Variants in PRKCH observed in about 807,000 individuals in gnomAD.
The protein encoded by PRKCH is protein kinase C eta.
In PRKCH, 28 loss-of-function variants were observed where a neutral mutation model predicts 82.5. That is an observed-to-expected ratio of 0.34 (90% CI 0.25 to 0.47). The LOEUF (loss-of-function observed/expected upper bound fraction) is 0.47, where lower values mean the gene tolerates loss of function less well. PRKCH is among the 20% of genes least tolerant of loss of function. PRKCH has a pLI of 1.00. For synonymous variants in PRKCH, 322 were observed against 327.4 expected (o/e 0.98, Z 0.18); for missense variants, 705 against 881.8 (o/e 0.80, Z 2.54).
Position 61,360,718 on chromosome 14 carries a change from C to T in PRKCH, c.364-30507C>T, listed in dbSNP as rs74644764. On this transcript the variant is annotated intron_variant, in intron 1 of 13. Transcript: ENST00000332981. ...TTCTTTATTTTCCTCCCCAGTTACCCAACCCACTTGGCTTCCAGGAGCCTG... is the reference window on the plus strand; with the variant it reads ...TTCTTTATTTTCCTCCCCAGTTACCTAACCCACTTGGCTTCCAGGAGCCTG... 3.1e-3 allele frequency among the ~76,000 whole-genome samples: 473 copies of T among 152,284 alleles called. 5 individuals are homozygous for T. Among genetic ancestry groups the T allele is most frequent in the African/African-American group, 0.011 (450 of 41,542 alleles).
intron 1 of PRKCH, among the ~76,000 whole-genome samples, chr14:61,221,029 T>C (rs949744618): frequency 1.3e-5 from 2 of 152,202 alleles, no homozygotes; most frequent in Non-Finnish European, 1.5e-5. Flanking sequence ...AAAAATTACA[T>C]GCTGTGGTGG....
intron 9 of PRKCH, among the ~76,000 whole-genome samples, chr14:61,468,217 A>G (rs989220495): frequency 4.7e-4 from 72 of 152,144 alleles, no homozygotes; most frequent in Admixed American, 3.2e-3. Context: ...TACAAATACA[A>G]TCTGGTTTGC....
intron 1 of PRKCH, among the ~76,000 whole-genome samples, chr14:61,262,394 T>C (rs1046180236): frequency 1.3e-5 from 2 of 151,886 alleles, no homozygotes; most frequent in African/African-American, 4.8e-5. Context: ...TGATAGAGAA[T>C]CTCAAAAGCA....
chr14:61,363,986 G>GTC (rs2046264898), intron 1 of PRKCH, among the ~76,000 whole-genome samples: 1 of 144,858 alleles, frequency 6.9e-6, no homozygotes, highest in Non-Finnish European at 1.5e-5. Context: ...GTGTGTATAT[G>GTC]TGTGTGTGTA....
chr14:61,517,217 C>A (rs1328203956), intron 10 of PRKCH, among the ~76,000 whole-genome samples: 2 of 151,944 alleles, frequency 1.3e-5, no homozygotes, highest in Admixed American at 6.5e-5. Context: ...TCTTTCCTGT[C>A]GTAAAGCATT....
intron 2 of PRKCH, among the ~76,000 whole-genome samples, chr14:61,436,487 G>A (rs1883685681): frequency 6.6e-6 from 1 of 152,172 alleles, no homozygotes; most frequent in African/African-American, 2.4e-5. Context: ...AAACACAGAG[G>A]ATTCTGTACT....
intron 1 of PRKCH, among the ~76,000 whole-genome samples, chr14:61,360,173 G>A (rs2046204300): frequency 6.6e-6 from 1 of 152,218 alleles, no homozygotes; most frequent in Non-Finnish European, 1.5e-5. Flanking sequence ...TATGTCGTGA[G>A]TAAATGGAAT....
At chr14:61,542,706 C>A (rs184818315) in intron 12 of PRKCH, among the ~76,000 whole-genome samples, 1 of 152,186 alleles carries the variant, frequency 6.6e-6, no homozygotes, top group African/African-American at 2.4e-5. Flanking sequence ...AGCTTTCTAT[C>A]TGTGCCCCTG....
chr14:61,360,849 C>T (rs2140160578), intron 1 of PRKCH, among the ~76,000 whole-genome samples: 1 of 152,288 alleles, frequency 6.6e-6, no homozygotes, highest in South Asian at 2.1e-4. Flanking sequence ...TCATCATGGA[C>T]CAGCTGCTTT....
At chr14:61,199,967 A>T (rs2044467838) in intron 1 of PRKCH, among the ~76,000 whole-genome samples, 1 of 152,218 alleles carries the variant, frequency 6.6e-6, no homozygotes, top group Non-Finnish European at 1.5e-5. Context: ...TTATCAAGGA[A>T]CAGAAATATT....
chr14:61,516,682 T>G (rs1474574472), intron 10 of PRKCH, among the ~76,000 whole-genome samples: 1 of 152,168 alleles, frequency 6.6e-6, no homozygotes, highest in Non-Finnish European at 1.5e-5. Context: ...ATGTGATGTC[T>G]TTTGCACATG....
chr14:61,275,661 G>A (rs2045195472), intron 1 of PRKCH, among the ~76,000 whole-genome samples: 2 of 152,168 alleles, frequency 1.3e-5, no homozygotes, highest in Non-Finnish European at 2.9e-5. Context: ...ATGAGTCCTG[G>A]TGGTGAGCCA....
At chr14:61,492,272 C>G (rs771325507) in intron 10 of PRKCH, 1 of 152,140 alleles carries the variant, frequency 6.6e-6, no homozygotes. Context: ...TAGGTAAGGC[C>G]GGTCATGTTG....
chr14:61,542,659 C>T (rs2043203324), intron 12 of PRKCH, among the ~76,000 whole-genome samples: 1 of 152,206 alleles, frequency 6.6e-6, no homozygotes, highest in South Asian at 2.1e-4. Flanking sequence ...AGATGAGCCT[C>T]AGGGTCAAGG....
intron 1 of PRKCH, among the ~76,000 whole-genome samples, chr14:61,313,274 T>C (rs773632574): frequency 1.1e-4 from 17 of 152,370 alleles, no homozygotes; most frequent in Non-Finnish European, 1.9e-4. Context: ...AGTTAATAAC[T>C]ACTTGGCTTG....
chr14:61,265,603 G>A (rs977344527), intron 1 of PRKCH, among the ~76,000 whole-genome samples: 6 of 152,184 alleles, frequency 3.9e-5, no homozygotes, highest in Admixed American at 1.3e-4. Flanking sequence ...CACCTCCCAA[G>A]CCAGTGCTTC....
intron 10 of PRKCH, among the ~76,000 whole-genome samples, chr14:61,495,489 T>C (rs1483373207): frequency 6.6e-6 from 1 of 152,208 alleles, no homozygotes; most frequent in Non-Finnish European, 1.5e-5. Flanking sequence ...AAAAATACAG[T>C]CATTTAATCT....
chr14:61,253,518 G>T (rs916576599), intron 1 of PRKCH, among the ~76,000 whole-genome samples: 2 of 152,158 alleles, frequency 1.3e-5, no homozygotes, highest in East Asian at 1.9e-4. Flanking sequence ...TCACTGGGGT[G>T]GGGGGCAGGG....
intron 2 of PRKCH, among the ~76,000 whole-genome samples, chr14:61,438,459 G>C (rs1883784303): frequency 6.6e-6 from 1 of 152,140 alleles, no homozygotes; most frequent in Non-Finnish European, 1.5e-5. Flanking sequence ...TTTTAAAAAT[G>C]AGGAGCTGTG....
Sources: allele counts gnomAD v4.1 joint callset (sites outside exome capture counted in the v4.1 genomes callset), GRCh38; gene constraint gnomAD v4.1.1; transcripts MANE v1.5; gene names NCBI Gene and HGNC (gene_info 2026-07-23, HGNC 2026-07-21).